The following PTPRD variants were observed in gnomAD, a reference collection of about 807,000 sequenced individuals.
The protein encoded by PTPRD is protein tyrosine phosphatase receptor type D, also known as receptor-type tyrosine-protein phosphatase delta.
In PTPRD, 34 loss-of-function variants were observed where a neutral mutation model predicts 214.5. That is an observed-to-expected ratio of 0.16 (90% CI 0.12 to 0.21). The LOEUF (loss-of-function observed/expected upper bound fraction) is 0.21. Among genes scored for constraint, PTPRD ranks in the 10% least tolerant of loss-of-function variants. The pLI is 1.00. For synonymous variants in PTPRD, 1,128 were observed against 845.7 expected (o/e 1.33, Z -5.79); for missense variants, 2,545 against 2,398.7 (o/e 1.06, Z -1.27).
At chr9:8,661,581 C>T (rs142205310) in intron 12 of PTPRD, among the ~76,000 whole-genome samples, 1 of 152,194 alleles carries the variant, frequency 6.6e-6, no homozygotes, top group African/African-American at 2.4e-5. Context: ...TTTTACAACA[C>T]TTGTTCCTTT....
chr9:9,948,614 C>CT (rs981993534), intron 4 of PTPRD, among the ~76,000 whole-genome samples: 68 of 152,094 alleles, frequency 4.5e-4, no homozygotes, highest in Admixed American at 1.4e-3. Flanking sequence ...TCTGCAAAAC[C>CT]TTTTTTCCCC....
intron 3 of PTPRD, among the ~76,000 whole-genome samples, chr9:10,142,160 C>G (rs548808448): frequency 0.016 from 2,435 of 152,068 alleles, 48 homozygotes; most frequent in African/African-American, 0.056. Flanking sequence ...AGACCTAAAA[C>G]CATAAAAACC....
At chr9:8,833,687 CCT>C (rs146738870) in intron 11 of PTPRD, among the ~76,000 whole-genome samples, 1 of 124,926 alleles carries the variant, frequency 8.0e-6, no homozygotes, top group Admixed American at 8.3e-5. Flanking sequence ...AAAACTCTCT[CCT>C]CTCTCTCTCT....
intron 7 of PTPRD, among the ~76,000 whole-genome samples, chr9:9,717,354 G>A (rs2097853467): frequency 6.6e-6 from 1 of 152,114 alleles, no homozygotes; most frequent in Non-Finnish European, 1.5e-5. Context: ...GGTTCCATAT[G>A]AACTTTAAAG....
At chr9:8,478,584 C>G (rs2096815227) in intron 30 of PTPRD, among the ~76,000 whole-genome samples, 1 of 152,098 alleles carries the variant, frequency 6.6e-6, no homozygotes, top group South Asian at 2.1e-4. Context: ...CAGAAGTTCC[C>G]TATGTCATTA....
chr9:9,738,888 A>C (rs944245036), intron 6 of PTPRD, among the ~76,000 whole-genome samples: 1 of 152,132 alleles, frequency 6.6e-6, no homozygotes, highest in African/African-American at 2.4e-5. Flanking sequence ...AATAATGTAG[A>C]ATTTTCTACA....
At chr9:9,027,288 AATAG>A (rs894164106) in intron 10 of PTPRD, among the ~76,000 whole-genome samples, 6 of 151,868 alleles carry the variant, frequency 4.0e-5, no homozygotes, top group African/African-American at 1.4e-4. Context: ...TTTTAAGAAG[AATAG>A]ATAGATATAC....
rs2096279930 is a variant in PTPRD, at chr9:8,792,819, CTCTCCATTCT to C, written c.-103-58883_-103-58874del. On this transcript the variant is annotated intron_variant, in intron 11 of 45. Transcript: ENST00000381196. ...TGCCCCTTTTTCCTTTTCTCCATTT[CTCTCCATTCT>C]TCTCTCCCTCTTTTTTCTTTCCTTT... Among the ~76,000 whole-genome samples the C allele has an allele frequency of 3.3e-5, 5 of 152,194 alleles. No individual in the cohort carries two copies. The South Asian group carries it at 1.0e-3, about 32-fold the overall frequency.
chr9:9,871,154 T>C (rs986341744), intron 5 of PTPRD, among the ~76,000 whole-genome samples: 10 of 152,042 alleles, frequency 6.6e-5, no homozygotes, highest in Non-Finnish European at 1.3e-4. Flanking sequence ...CTACAAAAAT[T>C]AGAAAGAAAA....
intron 9 of PTPRD, among the ~76,000 whole-genome samples, chr9:9,290,185 T>G: frequency 6.6e-6 from 1 of 151,832 alleles, no homozygotes; most frequent in East Asian, 1.9e-4. Context: ...ATTGTGGTTT[T>G]GATTTGCATT....
chr9:8,363,388 C>G (rs1315257549), intron 39 of PTPRD, among the ~76,000 whole-genome samples: 2 of 152,068 alleles, frequency 1.3e-5, no homozygotes, highest in East Asian at 1.9e-4. Flanking sequence ...AAAAGGCACT[C>G]CAATTCACAA....
At chr9:8,502,297 G>A (rs2097426842) in intron 23 of PTPRD, among the ~76,000 whole-genome samples, 1 of 152,068 alleles carries the variant, frequency 6.6e-6, no homozygotes. Context: ...TATTTTTAAA[G>A]CAATGTATAT....
intron 4 of PTPRD, among the ~76,000 whole-genome samples, chr9:9,960,309 AAAAT>A (rs985058993): frequency 1.2e-4 from 18 of 152,094 alleles, no homozygotes; most frequent in Non-Finnish European, 7.4e-5. Context: ...CTTGAATAAC[AAAAT>A]AAATAAGAGG....
At chr9:10,104,848 G>A (rs1389724693) in intron 3 of PTPRD, among the ~76,000 whole-genome samples, 1 of 151,810 alleles carries the variant, frequency 6.6e-6, no homozygotes, top group Middle Eastern at 3.2e-3. Flanking sequence ...TAGCATAGAC[G>A]ATGATTTGCT....
chr9:10,053,047 T>G (rs1017544948), intron 3 of PTPRD, among the ~76,000 whole-genome samples: 2 of 152,166 alleles, frequency 1.3e-5, no homozygotes, highest in Non-Finnish European at 2.9e-5. Context: ...AACATATATG[T>G]CATATTAATA....
At chr9:9,038,768 G>C (rs542140290) in intron 10 of PTPRD, among the ~76,000 whole-genome samples, 1 of 151,996 alleles carries the variant, frequency 6.6e-6, no homozygotes, top group East Asian at 1.9e-4. Flanking sequence ...TGTTGGCCAG[G>C]CTGGTCTTGA....
intron 8 of PTPRD, among the ~76,000 whole-genome samples, chr9:9,413,906 C>T (rs1176230385): frequency 6.6e-6 from 1 of 152,196 alleles, no homozygotes; most frequent in African/African-American, 2.4e-5. Context: ...TACATAATTA[C>T]TGATACCAGT....
chr9:8,613,563 A>G (rs1342697623), intron 14 of PTPRD, among the ~76,000 whole-genome samples: 1 of 152,112 alleles, frequency 6.6e-6, no homozygotes, highest in Non-Finnish European at 1.5e-5. Context: ...TTTTACCCAA[A>G]GTTTGAATCT....
At chr9:8,560,369 G>A (rs1026760868) in intron 14 of PTPRD, among the ~76,000 whole-genome samples, 1 of 151,114 alleles carries the variant, frequency 6.6e-6, no homozygotes, top group Admixed American at 6.6e-5. Flanking sequence ...TGGGGGGAGT[G>A]GAAGAAAACA....
Sources: gnomAD v4.1 joint callset for allele counts (sites outside exome capture counted in the v4.1 genomes callset) on GRCh38, gnomAD v4.1.1 for gene constraint, MANE v1.5 for transcripts, NCBI Gene and HGNC (gene_info 2026-07-23, HGNC 2026-07-21) for gene names.